The following EML4 variants were observed in gnomAD, a reference collection of about 807,000 sequenced individuals.
EML4 encodes the protein echinoderm microtubule-associated protein-like 4.
A neutral mutation model predicts 129.0 loss-of-function variants in EML4; 72 were observed. That is an observed-to-expected ratio of 0.56 (90% CI 0.46 to 0.68). The LOEUF is 0.68. EML4 is among the 30% of genes least tolerant of loss of function. The pLI is 0.00. For missense variants in EML4, 1,363 were observed against 1,190.6 expected (o/e 1.14, Z -2.13); for synonymous variants, 532 against 405.0 (o/e 1.31, Z -3.77).
chr2:42,216,220 C>T lies in EML4; in HGVS notation c.26-29285C>T, dbSNP rs1279762450. Among the ~76,000 whole-genome samples the T allele has an allele frequency of 4.1e-4, 60 of 147,828 alleles. 1 individual carries two copies. The highest frequency in any genetic ancestry group is 8.9e-4 in the Admixed American group (13 of 14,682). ...GATTACAAGCATGAGCTACCACACC[C>T]GGCCCACTTCTTTTTTTTTTTTTTT... On this transcript the variant is annotated intron_variant, in intron 1 of 22. Transcript: ENST00000318522.
intron 4 of EML4, among the ~76,000 whole-genome samples, chr2:42,262,880 A>G (rs1008634323): frequency 6.6e-6 from 1 of 152,230 alleles, no homozygotes; most frequent in Admixed American, 6.5e-5. Flanking sequence ...AAATTATAAG[A>G]AACATTACTC....
chr2:42,245,574 A>G lies in EML4; in HGVS notation c.95A>G (p.Gln32Arg). Residue 32 changes from glutamine to arginine, a missense_variant, in exon 2 of 23, where the codon CAG becomes CGG. Coordinates refer to ENST00000318522, the MANE Select transcript of EML4 (RefSeq NM_019063.5). ...CTGTCAGCTCTTGAGTCACGAGTTC[A>G]GCAACAAGAAGATGAAATCACTGTG... ...DRLSALESRV[Q>R]QQEDEITVLK... 6.2e-7 allele frequency: 1 copy of G among 1,613,946 alleles called. No homozygotes were observed. The highest frequency in any genetic ancestry group is 2.2e-5 in the East Asian group (1 of 44,858).
chr2:42,315,880 CAAAAAA>C, intron 17 of EML4, 76 bp from the exon 18 acceptor site: 4 of 889,682 alleles, frequency 4.5e-6, no homozygotes, highest in Non-Finnish European at 6.8e-6. Context: ...GACTCCATCT[CAAAAAA>C]AAAAGAAAAA....
chr2:42,171,857 T>C (rs1670301139), intron 1 of EML4, among the ~76,000 whole-genome samples: 3 of 152,082 alleles, frequency 2.0e-5, no homozygotes, highest in Admixed American at 2.0e-4. Flanking sequence ...ATTGAAACCT[T>C]AAAGGGGTGG....
rs1309214946 is a variant in EML4 at position 42,263,245 on chromosome 2, A to G, written c.580A>G (p.Lys194Glu). The G allele has an allele frequency of 6.2e-7, 1 of 1,613,462 alleles. No homozygotes were observed. Among genetic ancestry groups the G allele is most frequent in the Non-Finnish European group, 8.5e-7 (1 of 1,179,810 alleles). The part of the protein sequence containing the change: ...SWENSDDSRN[K>E]LSKIPSTPKL... ...GGAAAATTCAGATGATAGCCGTAATAAATTGTCGAAAATACCTTCAACACC... is the reference window on the plus strand; with the variant it reads ...GGAAAATTCAGATGATAGCCGTAATGAATTGTCGAAAATACCTTCAACACC... The change falls in exon 5 of 23, where the codon AAA (lysine) becomes GAA (glutamate). Residue 194 changes from lysine (K) to glutamate (E), a missense_variant. Coordinates refer to ENST00000318522, the MANE Select transcript of EML4 (RefSeq NM_019063.5).
At chr2:42,302,954 A>C (rs1668375089) in intron 14 of EML4, 150 bp from the exon 15 acceptor site, 3 of 640,732 alleles carry the variant, frequency 4.7e-6, no homozygotes, top group Non-Finnish European at 8.3e-6. Context: ...TCATTGGACA[A>C]ATAAATTAGT....
At chr2:42,230,696 G>T (rs925217236) in intron 1 of EML4, among the ~76,000 whole-genome samples, 11 of 152,146 alleles carry the variant, frequency 7.2e-5, no homozygotes, top group African/African-American at 2.7e-4. Context: ...GTGAGCCACC[G>T]TGCCCAGCCA....
chr2:42,252,451 G>C (rs1365862076), intron 2 of EML4, among the ~76,000 whole-genome samples: 2 of 152,122 alleles, frequency 1.3e-5, no homozygotes, highest in Admixed American at 6.5e-5. Context: ...CCTGAAATCA[G>C]TTCTTCACAT....
intron 1 of EML4, among the ~76,000 whole-genome samples, chr2:42,234,049 A>G (rs2104220190): frequency 6.6e-6 from 1 of 152,356 alleles, no homozygotes; most frequent in African/African-American, 2.4e-5. Flanking sequence ...TCTGCTGCCT[A>G]GGGTTTAGCC....
chr2:42,330,218 T>G lies in EML4; in HGVS notation c.*11T>G. ...TCGCCCTCGTCCTAACACCCTGGCTTCAGTGCAACTCTTTTCCTTCAGCTG... is the reference window on the plus strand; with the variant it reads ...TCGCCCTCGTCCTAACACCCTGGCTGCAGTGCAACTCTTTTCCTTCAGCTG... On this transcript the variant is annotated 3_prime_UTR_variant, in exon 23 of 23. Transcript: ENST00000318522. The G allele has an allele frequency of 6.2e-7, 1 of 1,608,770 alleles. No individual in the cohort carries two copies. The highest frequency in any genetic ancestry group is 8.5e-7 in the Non-Finnish European group (1 of 1,175,986).
intron 1 of EML4, among the ~76,000 whole-genome samples, chr2:42,199,720 A>G (rs1227055726): frequency 1.3e-5 from 2 of 152,194 alleles, no homozygotes; most frequent in African/African-American, 2.4e-5. Context: ...TGCAAATGGC[A>G]GTAGTGAAAA....
intron 1 of EML4, among the ~76,000 whole-genome samples, chr2:42,205,868 A>T (rs1202995748): frequency 6.6e-6 from 1 of 152,124 alleles, no homozygotes; most frequent in Non-Finnish European, 1.5e-5. Flanking sequence ...TCCATTACTC[A>T]GTCATTTATC....
At chr2:42,188,875 A>G (rs1671420420) in intron 1 of EML4, among the ~76,000 whole-genome samples, 1 of 152,112 alleles carries the variant, frequency 6.6e-6, no homozygotes, top group African/African-American at 2.4e-5. Context: ...TACACCTGTA[A>G]TCCCAGCGCT....
intron 14 of EML4, among the ~76,000 whole-genome samples, chr2:42,301,728 T>C (rs1668297400): frequency 6.6e-6 from 1 of 152,136 alleles, no homozygotes; most frequent in African/African-American, 2.4e-5. Flanking sequence ...TGTAGCATTC[T>C]TTCCAGAGAA....
chr2:42,317,410 G>A lies in EML4; in HGVS notation c.2057-17G>A, dbSNP rs1286519604. On this transcript the variant is annotated splice_polypyrimidine_tract_variant and intron_variant, in intron 18 of 22. Transcript: ENST00000318522. ...TCAGTATATTTCTCTAGTCAACACTGACCTATTTTATTCTAGATGGTACCT... is the reference window on the plus strand; with the variant it reads ...TCAGTATATTTCTCTAGTCAACACTAACCTATTTTATTCTAGATGGTACCT... 6.7e-7 allele frequency: 1 copy of A among 1,492,638 alleles called. No homozygotes were observed. Among genetic ancestry groups the A allele is most frequent in the East Asian group, 2.3e-5 (1 of 44,168 alleles). The allele number at this position is 1,492,638 out of a possible 1,614,324, so 92.5% of individuals were successfully genotyped here.
chr2:42,183,166 C>T (rs754678411), intron 1 of EML4, among the ~76,000 whole-genome samples: 1 of 152,014 alleles, frequency 6.6e-6, no homozygotes, highest in African/African-American at 2.4e-5. Context: ...ATTATAGCTC[C>T]CAGAATGGAA....
chr2:42,228,161 C>G (rs934524954), intron 1 of EML4, among the ~76,000 whole-genome samples: 1 of 151,416 alleles, frequency 6.6e-6, no homozygotes, highest in Non-Finnish European at 1.5e-5. Context: ...GCCAAGGTTG[C>G]AGTGAGCCAA....
At chr2:42,213,415 A>T (rs1167446329) in intron 1 of EML4, among the ~76,000 whole-genome samples, 1 of 152,188 alleles carries the variant, frequency 6.6e-6, no homozygotes, top group African/African-American at 2.4e-5. Flanking sequence ...TTCCATAGCT[A>T]TGTGGAGTTT....
In EML4 at chr2:42,326,263, G is replaced by T. The variant is rs2103837248; in HGVS notation, c.2341+11G>T. Reference sequence around the variant, plus strand: ...GATTTCAAGTATTTGGTAAGGAAATGACACCTGATGTAAAGAAGTGGTTTG... The same window carrying T: ...GATTTCAAGTATTTGGTAAGGAAATTACACCTGATGTAAAGAAGTGGTTTG... On this transcript the variant is annotated intron_variant, in intron 21 of 22. Transcript: ENST00000318522. 1 of 1,575,128 alleles carries T rather than the reference G, an allele frequency of 6.3e-7. No individual in the cohort carries two copies. The highest frequency in any genetic ancestry group is 1.1e-5 in the South Asian group (1 of 87,826).
Sources: gnomAD v4.1 joint callset for allele counts (sites outside exome capture counted in the v4.1 genomes callset) on GRCh38, gnomAD v4.1.1 for gene constraint, MANE v1.5 for transcripts, NCBI Gene and HGNC (gene_info 2026-07-23, HGNC 2026-07-21) for gene names.